Variants in FAAH2 observed in about 807,000 individuals in gnomAD.
FAAH2 encodes fatty-acid amide hydrolase 2.
A neutral mutation model predicts 36.9 loss-of-function variants in FAAH2; 60 were observed. The ratio of observed to expected loss-of-function variants is 1.63; its 90% confidence interval spans 1.32 to 2.02. The LOEUF (loss-of-function observed/expected upper bound fraction) is 2.02. Ranked by LOEUF, FAAH2 falls within the 30% of genes most tolerant of loss-of-function variation. The probability of loss-of-function intolerance (pLI) is 0.00; values close to 1 mark genes in which losing one functional copy is unlikely to be tolerated. For missense variants in FAAH2, 689 were observed against 397.5 expected, an observed-to-expected ratio of 1.73 and a Z score of -6.23; for synonymous variants, 214 against 143.8, an observed-to-expected ratio of 1.49 and a Z score of -3.49.
chrX:57,382,473 ATAAAAAAT>A (rs2054879297), intron 7 of FAAH2, among the ~76,000 whole-genome samples: 1 of 111,953 alleles, frequency 8.9e-6, no homozygotes, highest in Admixed American at 9.5e-5. Flanking sequence ...AATAGACGCA[ATAAAAAAT>A]TATGAAGGGG....
At chrX:57,294,240 T>A (rs1055984987) in intron 2 of FAAH2, among the ~76,000 whole-genome samples, 1 of 112,300 alleles carries the variant, frequency 8.9e-6, no homozygotes, top group Admixed American at 9.4e-5. Context: ...TATTGCATTG[T>A]TATCCCTGTT....
At chrX:57,185,560 C>T in the FAAH2 span, among the ~76,000 whole-genome samples, 6 of 106,018 alleles carry the variant, frequency 5.7e-5, no homozygotes, top group African/African-American at 2.1e-4. Context: ...GCGTGTTTTA[C>T]TTTAGGTTCT....
At chrX:57,196,516 C>T in the FAAH2 span, among the ~76,000 whole-genome samples, 1 of 111,384 alleles carries the variant, frequency 9.0e-6, no homozygotes, top group Non-Finnish European at 1.9e-5. Flanking sequence ...AACAGTGACA[C>T]TTTGACTTCC....
chrX:57,305,082 GTA>G (rs771009936), intron 2 of FAAH2, among the ~76,000 whole-genome samples: 4 of 105,048 alleles, frequency 3.8e-5, no homozygotes, highest in Non-Finnish European at 7.8e-5. Flanking sequence ...GTGTGTGTGT[GTA>G]TGTGTATAAT....
the FAAH2 span, among the ~76,000 whole-genome samples, chrX:57,232,185 C>G: frequency 8.9e-6 from 1 of 111,877 alleles, no homozygotes; most frequent in African/African-American, 3.2e-5. Flanking sequence ...GTCTGAATCA[C>G]AGAATTGAAA....
intron 2 of FAAH2, among the ~76,000 whole-genome samples, chrX:57,299,518 T>C (rs1373023546): frequency 2.7e-5 from 3 of 111,581 alleles, no homozygotes; most frequent in Non-Finnish European, 5.7e-5. Context: ...GGACAAAAAC[T>C]GGAAGCATTC....
chrX:57,456,401 A>G (rs1015330232), intron 10 of FAAH2, among the ~76,000 whole-genome samples: 1 of 111,465 alleles, frequency 9.0e-6, no homozygotes, highest in Non-Finnish European at 1.9e-5. Context: ...AAAAAAGAAC[A>G]TCCAACTCCG....
chrX:57,213,492 C>A, the FAAH2 span, among the ~76,000 whole-genome samples: 1 of 111,623 alleles, frequency 9.0e-6, no homozygotes, highest in Non-Finnish European at 1.9e-5. Context: ...CTTCAGACTG[C>A]TTTTTCTGTA....
At chrX:57,461,172 A>G (rs1046067661) in intron 10 of FAAH2, among the ~76,000 whole-genome samples, 4 of 109,916 alleles carry the variant, frequency 3.6e-5, no homozygotes, top group East Asian at 2.9e-4. Context: ...TCAGAGTTCT[A>G]CAAAAAGACT....
chrX:57,186,777 A>T, the FAAH2 span, among the ~76,000 whole-genome samples: 1 of 112,254 alleles, frequency 8.9e-6, no homozygotes, highest in Non-Finnish European at 1.9e-5. Context: ...TGTTTTCTGC[A>T]TATGGCTAGC....
chrX:57,460,535 C>A, intron 10 of FAAH2, among the ~76,000 whole-genome samples: 1 of 111,898 alleles, frequency 8.9e-6, no homozygotes, highest in South Asian at 3.8e-4. Flanking sequence ...CTCAGAATTT[C>A]TTATCCAGCC....
At chrX:57,277,490 G>A in the FAAH2 span, among the ~76,000 whole-genome samples, 1 of 111,936 alleles carries the variant, frequency 8.9e-6, no homozygotes, top group Non-Finnish European at 1.9e-5. Flanking sequence ...AAACCTGGAA[G>A]CATTCCCTTT....
At chrX:57,439,208 G>A (rs199530405) in intron 8 of FAAH2, among the ~76,000 whole-genome samples, 38,006 of 106,961 alleles carry the variant, frequency 0.36, 6,393 homozygotes, top group Middle Eastern at 0.61. Flanking sequence ...ACTAGTTTAC[G>A]GTCCCACCAA....
At chrX:57,230,753 C>T in the FAAH2 span, among the ~76,000 whole-genome samples, 2 of 111,273 alleles carry the variant, frequency 1.8e-5, no homozygotes, top group East Asian at 5.6e-4. Context: ...ATTATGAGGA[C>T]CTGAATAATT....
chrX:57,289,959 T>C (rs2051928343), intron 1 of FAAH2, among the ~76,000 whole-genome samples: 1 of 111,160 alleles, frequency 9.0e-6, no homozygotes, highest in African/African-American at 3.3e-5. Context: ...TCTTCATTTC[T>C]CTTACGACAG....
intron 4 of FAAH2, among the ~76,000 whole-genome samples, chrX:57,334,523 A>G (rs1432785889): frequency 9.0e-6 from 1 of 111,280 alleles, no homozygotes; most frequent in Non-Finnish European, 1.9e-5. Context: ...TAAAAAAAAA[A>G]AGAAAATTAT....
At chrX:57,219,233 C>A in the FAAH2 span, among the ~76,000 whole-genome samples, 1 of 111,775 alleles carries the variant, frequency 8.9e-6, no homozygotes, top group Non-Finnish European at 1.9e-5. Context: ...CCCGCCTGCA[C>A]CCAGGCACTC....
chrX:57,364,704 C>T (rs1293342854), intron 5 of FAAH2, among the ~76,000 whole-genome samples: 1 of 110,513 alleles, frequency 9.0e-6, no homozygotes, highest in African/African-American at 3.3e-5. Flanking sequence ...CTCTCCACTT[C>T]CCTCTTAACA....
chrX:57,156,799 C>T, the FAAH2 span, among the ~76,000 whole-genome samples: 2 of 111,541 alleles, frequency 1.8e-5, no homozygotes, highest in African/African-American at 6.5e-5. Context: ...GACACAGGCA[C>T]TCCTATGACC....
Sources: allele counts gnomAD v4.1 joint callset (sites outside exome capture counted in the v4.1 genomes callset), GRCh38; gene constraint gnomAD v4.1.1; transcripts MANE v1.5; gene names NCBI Gene and HGNC (gene_info 2026-07-23, HGNC 2026-07-21).